CHCHD6: variants seen among roughly 807,000 people sequenced by gnomAD.
CHCHD6 encodes the protein MICOS complex subunit MIC25.
A neutral mutation model predicts 32.3 loss-of-function variants in CHCHD6; 28 were observed. That is an observed-to-expected ratio of 0.87 (90% confidence interval 0.64 to 1.19). The LOEUF (loss-of-function observed/expected upper bound fraction) is 1.19. Among genes scored for constraint, CHCHD6 ranks in the 50% most tolerant of loss-of-function variants. CHCHD6 has a pLI of 0.00. For synonymous variants in CHCHD6, 122 were observed against 117.5 expected, an observed-to-expected ratio of 1.04 and a Z score of -0.25; for missense variants, 333 against 307.0, an observed-to-expected ratio of 1.08 and a Z score of -0.63.
intron 5 of CHCHD6, among the ~76,000 whole-genome samples, chr3:126,894,833 C>T (rs1459192271): frequency 2.6e-5 from 4 of 152,220 alleles, no homozygotes; most frequent in African/African-American, 7.2e-5. Context: ...TCTGGAGGCA[C>T]TGCAAAGACA....
At chr3:126,753,034 G>A (rs1301663733) in intron 4 of CHCHD6, among the ~76,000 whole-genome samples, 2 of 152,128 alleles carry the variant, frequency 1.3e-5, no homozygotes, top group African/African-American at 2.4e-5. Context: ...GCAGAGGGGC[G>A]GGGGATAGGA....
chr3:126,763,199 C>CCCCTTTCATCTTTCTCCTTTTTCTTTT (rs1937226653), intron 4 of CHCHD6, among the ~76,000 whole-genome samples: 2 of 151,928 alleles, frequency 1.3e-5, no homozygotes, highest in African/African-American at 4.8e-5. Context: ...TTCTTCCTTT[C>CCCCTTTCATCTTTCTCCTTTTTCTTTT]CCCTTTCATC....
At chr3:126,911,149 G>A (rs1047156582) in intron 5 of CHCHD6, among the ~76,000 whole-genome samples, 3 of 152,182 alleles carry the variant, frequency 2.0e-5, no homozygotes, top group African/African-American at 7.2e-5. Flanking sequence ...GTCCTTTCAG[G>A]TGCCCCACAG....
At chr3:126,739,346 T>C (rs972568900) in intron 4 of CHCHD6, among the ~76,000 whole-genome samples, 4 of 152,112 alleles carry the variant, frequency 2.6e-5, no homozygotes, top group Non-Finnish European at 5.9e-5. Context: ...ACATATTCTT[T>C]GTTGTTGTTG....
At chr3:126,930,661 TA>T (rs1161043652) in intron 6 of CHCHD6, among the ~76,000 whole-genome samples, 1 of 152,244 alleles carries the variant, frequency 6.6e-6, no homozygotes, top group Non-Finnish European at 1.5e-5. Flanking sequence ...TAACTCCCTC[TA>T]AGCCTCAGTT....
At chr3:126,936,244 A>G (rs1165827852) in intron 6 of CHCHD6, among the ~76,000 whole-genome samples, 1 of 152,140 alleles carries the variant, frequency 6.6e-6, no homozygotes, top group Non-Finnish European at 1.5e-5. Flanking sequence ...CTGGTTCCTC[A>G]TCTGTGTAGA....
intron 4 of CHCHD6, among the ~76,000 whole-genome samples, chr3:126,750,184 G>T (rs960301278): frequency 7.2e-5 from 11 of 152,226 alleles, no homozygotes; most frequent in African/African-American, 2.7e-4. Context: ...TCCTCGAGAA[G>T]GCACAATGCT....
rs139559264 is a variant in CHCHD6 at position 126,727,358 on chromosome 3, G to C, written c.196+172G>C. Among the ~76,000 whole-genome samples, 9 of 152,316 alleles carry C rather than the reference G, an allele frequency of 5.9e-5. No homozygotes were observed. The East Asian group carries it at 1.4e-3, about 23-fold the overall frequency. ...AGAGCATGGCTTTCTGGGAGTGATG[G>C]GGCTGTCATCAGAGCTGCCGGGATT... On this transcript the variant is annotated intron_variant, in intron 2 of 7. Coordinates refer to ENST00000290913, the MANE Select transcript of CHCHD6 (RefSeq NM_032343.3).
At chr3:126,889,701 ATCTT>A (rs2077729503) in intron 5 of CHCHD6, among the ~76,000 whole-genome samples, 1 of 152,208 alleles carries the variant, frequency 6.6e-6, no homozygotes, top group South Asian at 2.1e-4. Flanking sequence ...GCCACTGCAC[ATCTT>A]TCTTTCCCTC....
intron 5 of CHCHD6, among the ~76,000 whole-genome samples, chr3:126,872,444 T>C (rs1442774843): frequency 6.6e-6 from 1 of 152,186 alleles, no homozygotes; most frequent in Non-Finnish European, 1.5e-5. Context: ...CCTGAAGTGC[T>C]CGGTAAAAAG....
At chr3:126,825,536 G>A (rs538676487) in intron 4 of CHCHD6, among the ~76,000 whole-genome samples, 20 of 152,178 alleles carry the variant, frequency 1.3e-4, no homozygotes, top group South Asian at 4.2e-4. Flanking sequence ...TTGTCCATCC[G>A]TTCTGTCAAC....
rs540991791 is a variant in CHCHD6 at position 126,786,701 on chromosome 3, A to T, written c.411+53479A>T. On this transcript the variant is annotated intron_variant, in intron 4 of 7. Coordinates refer to ENST00000290913, the MANE Select transcript of CHCHD6 (RefSeq NM_032343.3). ...TTTTTTTCTTGTAAATTTGTTTGAG[A>T]TCATTGTAGATTCTGGATATTAGTC... Among the ~76,000 whole-genome samples, 942 of 151,902 alleles carry T rather than the reference A, an allele frequency of 6.2e-3. 9 individuals carry two copies. Among genetic ancestry groups the T allele is most frequent in the African/African-American group, 0.022 (894 of 41,442 alleles).
intron 4 of CHCHD6, among the ~76,000 whole-genome samples, chr3:126,744,972 C>T (rs958131407): frequency 1.3e-5 from 2 of 152,224 alleles, no homozygotes; most frequent in African/African-American, 4.8e-5. Flanking sequence ...GCTGCTGTGC[C>T]TTCAGCCATC....
chr3:126,723,325 C>T (rs1226672828), intron 1 of CHCHD6, among the ~76,000 whole-genome samples: 1 of 151,962 alleles, frequency 6.6e-6, no homozygotes, highest in South Asian at 2.1e-4. Context: ...AAAATCCTGC[C>T]CCAGCTGCTC....
intron 4 of CHCHD6, among the ~76,000 whole-genome samples, chr3:126,819,449 G>C (rs1163596568): frequency 6.6e-6 from 1 of 152,182 alleles, no homozygotes; most frequent in Non-Finnish European, 1.5e-5. Flanking sequence ...AAAAAGACTT[G>C]TTCACCTCTT....
At chr3:126,867,813 A>G (rs1942338576) in intron 5 of CHCHD6, among the ~76,000 whole-genome samples, 1 of 152,182 alleles carries the variant, frequency 6.6e-6, no homozygotes, top group Admixed American at 6.5e-5. Context: ...TCCCTCCATG[A>G]TGGTGGCTCC....
intron 5 of CHCHD6, among the ~76,000 whole-genome samples, chr3:126,899,560 A>G (rs1442407257): frequency 1.3e-5 from 2 of 152,226 alleles, no homozygotes; most frequent in East Asian, 1.9e-4. Context: ...ATGTTGATGT[A>G]CATACACCAT....
At chr3:126,773,750 C>T (rs541133702) in intron 4 of CHCHD6, among the ~76,000 whole-genome samples, 1 of 152,160 alleles carries the variant, frequency 6.6e-6, no homozygotes, top group South Asian at 2.1e-4. Flanking sequence ...GGATTACAGG[C>T]ACACACTGTC....
Position 126,923,101 on chromosome 3 carries a change from C to T in CHCHD6, c.566+8351C>T, listed in dbSNP as rs140608785. Among the ~76,000 whole-genome samples, 627 of 152,278 alleles carry T rather than the reference C, an allele frequency of 4.1e-3. 7 individuals are homozygous for T. Among genetic ancestry groups the T allele is most frequent in the African/African-American group, 0.015 (608 of 41,572 alleles). Reference sequence around the variant, plus strand: ...GGCCTTGAGATCCTTCTTGCCACTGCGCTGTAGCAGCTCATCTCAGCCATG... The same window carrying T: ...GGCCTTGAGATCCTTCTTGCCACTGTGCTGTAGCAGCTCATCTCAGCCATG... On this transcript the variant is annotated intron_variant, in intron 6 of 7. Coordinates refer to ENST00000290913, the MANE Select transcript of CHCHD6 (RefSeq NM_032343.3).
Sources: gnomAD v4.1 joint callset for allele counts (sites outside exome capture counted in the v4.1 genomes callset) on GRCh38, gnomAD v4.1.1 for gene constraint, MANE v1.5 for transcripts, NCBI Gene and HGNC (gene_info 2026-07-23, HGNC 2026-07-21) for gene names.